Variants in GRIN2A observed in about 807,000 individuals in gnomAD.
GRIN2A encodes glutamate ionotropic receptor NMDA type subunit 2A, also known as glutamate receptor ionotropic, NMDA 2A.
A neutral mutation model predicts 113.4 loss-of-function variants in GRIN2A; 22 were observed. The observed-to-expected ratio is 0.19, with a 90% CI of 0.14 to 0.28. The LOEUF is 0.28. GRIN2A is among the 10% of genes least tolerant of loss of function. The pLI is 1.00. For synonymous variants in GRIN2A, 827 were observed against 738.4 expected, an observed-to-expected ratio of 1.12 and a Z score of -1.94; for missense variants, 1,502 against 1,887.0, an observed-to-expected ratio of 0.80 and a Z score of 3.78.
At chr16:9,894,454 C>CT (rs201865628) in intron 3 of GRIN2A, among the ~76,000 whole-genome samples, 23 of 152,116 alleles carry the variant, frequency 1.5e-4, no homozygotes, top group African/African-American at 5.3e-4. Flanking sequence ...ACAATTGAAA[C>CT]TTTTTTTTCT....
intron 2 of GRIN2A, among the ~76,000 whole-genome samples, chr16:10,126,562 T>C (rs1567317672): frequency 6.6e-6 from 1 of 152,228 alleles, no homozygotes; most frequent in Non-Finnish European, 1.5e-5. Flanking sequence ...TCTAATCACA[T>C]GTTACTCATT....
chr16:9,962,605 A>G (rs953194165), intron 2 of GRIN2A, among the ~76,000 whole-genome samples: 4 of 152,162 alleles, frequency 2.6e-5, no homozygotes, highest in Non-Finnish European at 5.9e-5. Context: ...TTAAAAAGTC[A>G]GGAAACAACA....
intron 2 of GRIN2A, among the ~76,000 whole-genome samples, chr16:10,072,158 C>A (rs749427222): frequency 2.0e-5 from 3 of 152,188 alleles, no homozygotes; most frequent in Non-Finnish European, 4.4e-5. Flanking sequence ...TGAGAGTGAG[C>A]AAAGATGTCT....
At chr16:10,109,806 G>C (rs2142140265) in intron 2 of GRIN2A, among the ~76,000 whole-genome samples, 1 of 152,074 alleles carries the variant, frequency 6.6e-6, no homozygotes, top group African/African-American at 2.4e-5. Context: ...TCCATGATGT[G>C]ATTATTTCAC....
chr16:9,994,663 A>G (rs1417163782), intron 2 of GRIN2A, among the ~76,000 whole-genome samples: 2 of 152,208 alleles, frequency 1.3e-5, no homozygotes, highest in Non-Finnish European at 2.9e-5. Flanking sequence ...GGGTTTGAAT[A>G]CAAATGGAAA....
chr16:9,903,974 C>T (rs1159198892), intron 3 of GRIN2A, among the ~76,000 whole-genome samples: 3 of 152,202 alleles, frequency 2.0e-5, no homozygotes, highest in African/African-American at 7.2e-5. Flanking sequence ...GAATTCATAA[C>T]TCAGTACCCT....
At chr16:9,918,001 G>A (rs2044284695) in intron 3 of GRIN2A, among the ~76,000 whole-genome samples, 1 of 152,080 alleles carries the variant, frequency 6.6e-6, no homozygotes, top group Non-Finnish European at 1.5e-5. Context: ...GTTATTCCGA[G>A]AATTATATTA....
At position 9,768,998 on chromosome 16, in the gene GRIN2A, G is replaced by A; in HGVS notation, c.2448C>T (p.Asn816=). 1 of 1,614,192 alleles carries A rather than the reference G, an allele frequency of 6.2e-7. No homozygotes were observed. The change falls in exon 12 of 13, where the codon AAC becomes AAT. Residue 816 remains asparagine (N), a synonymous_variant. Transcript: ENST00000330684. ...CCAGCATGTAGAATACGCCCGCCAT[G>A]TTGTCAATGTCCAGCTGGCTGCTCA... ...EVMSSQLDID[N]MAGVFYMLAA...
In GRIN2A at chr16:9,763,488, C is replaced by T. The variant is rs753647469; in HGVS notation, c.4056G>A (p.Lys1352=). 6.2e-7 allele frequency: 1 copy of T among 1,614,098 alleles called. No individual in the cohort carries two copies. The highest frequency in any genetic ancestry group is 8.5e-7 in the Non-Finnish European group (1 of 1,180,004). The change falls in exon 13 of 13, where the codon AAG becomes AAA. Residue 1352 remains lysine (K), a synonymous_variant. Coordinates refer to ENST00000330684, the MANE Select transcript of GRIN2A (RefSeq NM_001134407.3). ...SLFPQGLEDS[K]RSKSLLPDHT... ...GGTCTGGCAAGAGAGACTTGCTCCT[C>T]TTGCTGTCCTCCAGACCTTGGGGGA...
rs1485071799 is a variant in GRIN2A at position 10,177,461 on chromosome 16, G to C, written c.414+2537C>G. On this transcript the variant is annotated intron_variant, in intron 2 of 12. Transcript: ENST00000330684. Reference sequence around the variant, plus strand: ...AATGTCTCCAAGACCAACTCTGAAAGTCCCAACAACAATCAGGAGTATCGA... The same window carrying C: ...AATGTCTCCAAGACCAACTCTGAAACTCCCAACAACAATCAGGAGTATCGA... Among the ~76,000 whole-genome samples, 3 of 152,238 alleles carry C rather than the reference G, an allele frequency of 2.0e-5. No individual in the cohort carries two copies. In the East Asian group the frequency reaches 5.8e-4, roughly 29 times the overall value.
intron 2 of GRIN2A, among the ~76,000 whole-genome samples, chr16:10,126,494 C>T (rs1008911445): frequency 9.2e-5 from 14 of 152,260 alleles, no homozygotes; most frequent in East Asian, 1.9e-4. Flanking sequence ...AAATATTTTG[C>T]AGTATTGGCA....
intron 3 of GRIN2A, among the ~76,000 whole-genome samples, chr16:9,935,841 A>G (rs2044702586): frequency 6.6e-6 from 1 of 152,092 alleles, no homozygotes; most frequent in Non-Finnish European, 1.5e-5. Context: ...AGCTGGGATC[A>G]CAGGCATGCT....
chr16:10,180,504 C>CCTG lies in GRIN2A; in HGVS notation c.-18-78_-18-76dup. 6.5e-7 allele frequency: 1 copy of CCTG among 1,537,584 alleles called. No individual in the cohort carries two copies. The highest frequency in any genetic ancestry group is 8.7e-7 in the Non-Finnish European group (1 of 1,148,004). The stretch of plus-strand genomic sequence containing the variant: ...AAGAAAGGGATTACCAACTTGGCTT[C>CCTG]CTGCTCTAGGAGCCAGGCATGGAAC... On this transcript the variant is annotated intron_variant, in intron 1 of 12. Transcript: ENST00000330684. The surrounding 1 kb of genome is among the most constrained non-coding windows in gnomAD (Gnocchi z 7.0).
intron 3 of GRIN2A, among the ~76,000 whole-genome samples, chr16:9,926,990 G>A (rs1450546238): frequency 6.6e-6 from 1 of 151,556 alleles, no homozygotes; most frequent in Admixed American, 6.6e-5. Flanking sequence ...CGTAACGTGG[G>A]GTTTGGAACC....
In GRIN2A at chr16:9,797,259, C is replaced by G. The variant is rs147725971; in HGVS notation, c.2356+1018G>C. ...CTTCTGCCCTCTGGCTTGAGCCTTT[C>G]TATCCTCCTCATACCGAGCTCATTT... On this transcript the variant is annotated intron_variant, in intron 11 of 12. Transcript: ENST00000330684. Among the ~76,000 whole-genome samples, 218 of 152,344 alleles carry G rather than the reference C, an allele frequency of 1.4e-3. 1 individual carries two copies. The highest frequency in any genetic ancestry group is 5.0e-3 in the African/African-American group (206 of 41,570).
rs927198974 is a variant in GRIN2A, at chr16:9,989,578, A to C, written c.415-51027T>G. On this transcript the variant is annotated intron_variant, in intron 2 of 12. Transcript: ENST00000330684. ...CTAAAGGTCTTCTGCACTGCAAAAG[A>C]AACTATCAATACACTAAATAGACAA... Among the ~76,000 whole-genome samples the C allele has an allele frequency of 5.9e-5, 9 of 152,358 alleles. No homozygotes were observed. In the East Asian group the frequency reaches 1.7e-3, roughly 29 times the overall value.
chr16:10,081,353 T>C (rs1339275171), intron 2 of GRIN2A, among the ~76,000 whole-genome samples: 1 of 152,214 alleles, frequency 6.6e-6, no homozygotes, highest in Non-Finnish European at 1.5e-5. Flanking sequence ...AGCTTGTGCT[T>C]CTAAGTTCTG....
At chr16:9,833,493 C>T (rs919051570) in intron 8 of GRIN2A, among the ~76,000 whole-genome samples, 1 of 152,154 alleles carries the variant, frequency 6.6e-6, no homozygotes, top group African/African-American at 2.4e-5. Context: ...ATTTGACAAG[C>T]ATTTTTTAAA....
At chr16:9,979,531 A>G (rs953839436) in intron 2 of GRIN2A, among the ~76,000 whole-genome samples, 1 of 152,102 alleles carries the variant, frequency 6.6e-6, no homozygotes, top group African/African-American at 2.4e-5. Flanking sequence ...TTGCTAGAGC[A>G]GGGTCTTTGT....
Sources: allele counts gnomAD v4.1 joint callset (sites outside exome capture counted in the v4.1 genomes callset), GRCh38; gene constraint gnomAD v4.1.1; non-coding constraint Gnocchi (gnomAD v3.1); transcripts MANE v1.5; gene names NCBI Gene and HGNC (gene_info 2026-07-23, HGNC 2026-07-21).